The following RAPGEF2 variants were observed in gnomAD, a reference collection of about 807,000 sequenced individuals.
RAPGEF2 encodes PDZ domain containing guanine nucleotide exchange factor (GEF) 1.
RAPGEF2 carries 54 observed loss-of-function variants against 186.7 expected under a neutral mutation model. The observed-to-expected ratio is 0.29, with a 90% CI of 0.23 to 0.36. The LOEUF (loss-of-function observed/expected upper bound fraction) is 0.36. Among genes scored for constraint, RAPGEF2 ranks in the 10% least tolerant of loss-of-function variants. The pLI, the probability that RAPGEF2 is intolerant of heterozygous loss-of-function variation, is 1.00. For synonymous variants in RAPGEF2, 712 were observed against 705.9 expected (o/e 1.01, Z -0.14); for missense variants, 1,532 against 2,045.0 (o/e 0.75, Z 4.84).
chr4:159,155,532 CAGA>C (rs3063725), intron 1 of RAPGEF2, among the ~76,000 whole-genome samples: 95,212 of 151,592 alleles, frequency 0.63, 30,734 homozygotes, highest in African/African-American at 0.79. Flanking sequence ...AAGATGTTAT[CAGA>C]TGTTTCTCTA....
rs1239722513 is a variant in RAPGEF2 at position 159,330,380 on chromosome 4, T to A, written c.1349T>A (p.Val450Glu). ...ATGCATTTGGTGGAAGAGCATTCAG[T>A]AGTAGATCCAACATTCATAGAAGAC... ...LTMHLVEEHS[V>E]VDPTFIEDFL... The change falls in exon 13 of 30, where the codon GTA becomes GAA. Residue 450 changes from valine (V) to glutamate (E), a missense_variant. Val to Glu is a moderately radical substitution (Grantham distance 121, BLOSUM62 -2). This residue lies in a region of RAPGEF2 where 810 missense variants were observed against 1,210.5 expected (regional missense o/e 0.67). Coordinates refer to ENST00000691494, the MANE Select transcript of RAPGEF2 (RefSeq NM_001394067.2). The A allele has an allele frequency of 6.2e-7, 1 of 1,602,222 alleles. No homozygotes were observed. The highest frequency in any genetic ancestry group is 8.5e-7 in the Non-Finnish European group (1 of 1,177,284).
chr4:159,300,178 A>G (rs547878896), intron 7 of RAPGEF2, among the ~76,000 whole-genome samples: 61 of 150,600 alleles, frequency 4.1e-4, no homozygotes, highest in African/African-American at 1.5e-3. Context: ...GTATTACTTT[A>G]TATATGCATA....
At chr4:159,229,429 G>A (rs1485416934) in intron 4 of RAPGEF2, 1 of 152,218 alleles carries the variant, frequency 6.6e-6, no homozygotes, top group African/African-American at 2.4e-5. Context: ...CCCAACTTGG[G>A]AGAGGAGAAT....
chr4:159,239,939 A>G (rs1265908347), intron 5 of RAPGEF2, among the ~76,000 whole-genome samples: 1 of 152,208 alleles, frequency 6.6e-6, no homozygotes, highest in Non-Finnish European at 1.5e-5. Context: ...GTCAGAAATG[A>G]GAACTTCCTC....
At chr4:159,214,722 C>G (rs1167167396) in intron 4 of RAPGEF2, among the ~76,000 whole-genome samples, 1 of 152,124 alleles carries the variant, frequency 6.6e-6, no homozygotes, top group African/African-American at 2.4e-5. Context: ...AAATGTGTAT[C>G]TAGCTCTTTA....
At chr4:159,154,189 A>G (rs1743863122) in intron 1 of RAPGEF2, among the ~76,000 whole-genome samples, 1 of 152,210 alleles carries the variant, frequency 6.6e-6, no homozygotes, top group Admixed American at 6.5e-5. Flanking sequence ...ATTATCACCT[A>G]GCAGTCCAAA....
At chr4:159,237,026 T>C (rs1561124626) in intron 4 of RAPGEF2, among the ~76,000 whole-genome samples, 2 of 152,140 alleles carry the variant, frequency 1.3e-5, no homozygotes, top group Non-Finnish European at 2.9e-5. Flanking sequence ...CATGGAAACT[T>C]TTTCTTCTTT....
chr4:159,345,034 C>A, intron 23 of RAPGEF2, 72 bp from the exon 24 acceptor site: 1 of 1,287,128 alleles, frequency 7.8e-7, no homozygotes, highest in Non-Finnish European at 1.1e-6. Flanking sequence ...TAATATCAGT[C>A]TTGGCACATT....
intron 1 of RAPGEF2, among the ~76,000 whole-genome samples, chr4:159,107,149 C>G (rs1737974899): frequency 6.6e-6 from 1 of 152,132 alleles, no homozygotes; most frequent in African/African-American, 2.4e-5. Flanking sequence ...GCATTGTATT[C>G]TAAATAACAA....
chr4:159,268,141 A>G (rs1043402998), intron 7 of RAPGEF2: 11 of 1,613,326 alleles, frequency 6.8e-6, no homozygotes, highest in Non-Finnish European at 6.8e-6. Context: ...TCAGTTCAGC[A>G]TATGTTTCTT....
chr4:159,266,002 G>A (rs1373540052), intron 7 of RAPGEF2, among the ~76,000 whole-genome samples: 1 of 152,166 alleles, frequency 6.6e-6, no homozygotes, highest in South Asian at 2.1e-4. Context: ...AAAACAGATT[G>A]TTGAGAGATT....
Position 159,210,718 on chromosome 4 carries a change from T to C in RAPGEF2, c.281+135T>C, listed in dbSNP as rs1750437418. 6.7e-6 allele frequency: 4 copies of C among 601,050 alleles called. No homozygotes were observed. In the South Asian group the frequency reaches 9.8e-5, roughly 15 times the overall value. The allele number at this position is 601,050 out of a possible 1,614,324, so 37.2% of individuals were successfully genotyped here. On this transcript the variant is annotated intron_variant, in intron 4 of 29. Coordinates refer to ENST00000691494, the MANE Select transcript of RAPGEF2 (RefSeq NM_001394067.2). ...GCAAGACAGTACTTTGGGGTGTTGA[T>C]GCATGAATCTTTAAGAAATAACTTT...
chr4:159,159,718 T>G (rs6536395), intron 1 of RAPGEF2, among the ~76,000 whole-genome samples: 29,945 of 152,118 alleles, frequency 0.2, 2,943 homozygotes, highest in Admixed American at 0.24. Flanking sequence ...AAGATTATAA[T>G]AACAATTCTA....
At position 159,268,367 on chromosome 4, in the gene RAPGEF2, G is replaced by A. The variant is rs112570619; in HGVS notation, c.543+24576G>A. The A allele has an allele frequency of 1.1e-3, 633 of 587,648 alleles. 6 individuals carry two copies. The highest frequency in any genetic ancestry group is 0.011 in the African/African-American group (561 of 52,582). 36.4% of individuals were successfully genotyped at this position (587,648 alleles called of 1,614,324 possible). A position where few individuals can be genotyped will look rare whatever the true frequency, so the allele number is the denominator to read the frequency against. Reference sequence around the variant, plus strand: ...AGGAGGGGAGGGTGCATTAAAGCTGGCTTGTTCTTCCAATGTTGTAATTTT... The same window carrying A: ...AGGAGGGGAGGGTGCATTAAAGCTGACTTGTTCTTCCAATGTTGTAATTTT... On this transcript the variant is annotated intron_variant, in intron 7 of 29. Transcript: ENST00000691494.
chr4:159,356,210 T>G (rs1487439784), intron 29 of RAPGEF2, 52 bp downstream of exon 29: 1 of 1,531,406 alleles, frequency 6.5e-7, no homozygotes, highest in South Asian at 1.2e-5. Context: ...TGTTCACTTG[T>G]GCTGCTTCCC....
chr4:159,272,227 A>G (rs1758220004), intron 7 of RAPGEF2, among the ~76,000 whole-genome samples: 1 of 152,178 alleles, frequency 6.6e-6, no homozygotes, highest in Non-Finnish European at 1.5e-5. Context: ...CATAAGTATC[A>G]TTTTCATCAT....
intron 1 of RAPGEF2, among the ~76,000 whole-genome samples, chr4:159,180,168 G>A (rs1746861121): frequency 6.6e-6 from 1 of 152,208 alleles, no homozygotes; most frequent in Non-Finnish European, 1.5e-5. Flanking sequence ...TGTTGTTTAT[G>A]CGATCTGTGG....
At chr4:159,290,289 T>C (rs1446082836) in intron 7 of RAPGEF2, among the ~76,000 whole-genome samples, 1 of 152,230 alleles carries the variant, frequency 6.6e-6, no homozygotes, top group East Asian at 1.9e-4. Context: ...TTATGGAAGT[T>C]AAACTTTTTG....
Position 159,104,096 on chromosome 4 carries a change from A to G in RAPGEF2, c.-67A>G. The G allele has an allele frequency of 1.9e-6, 2 of 1,077,144 alleles. No homozygotes were observed. The highest frequency in any genetic ancestry group is 2.5e-6 in the Non-Finnish European group (2 of 813,262). The allele number at this position is 1,077,144 out of a possible 1,614,324, so 66.7% of individuals were successfully genotyped here. A position where few individuals can be genotyped will look rare whatever the true frequency, so the allele number is the denominator to read the frequency against. On this transcript the variant is annotated 5_prime_UTR_variant, in exon 1 of 30. Transcript: ENST00000691494. ...GCGCAGCGCGCAGGGCGGAGGCAGC[A>G]GCGGCGCTGGGCCGGGAGGAGGCCG... is the stretch of plus-strand genomic sequence containing the variant.
Sources: gnomAD v4.1 joint callset for allele counts (sites outside exome capture counted in the v4.1 genomes callset) on GRCh38, gnomAD v4.1.1 for gene constraint, gnomAD v4.1.1 regional missense constraint, MANE v1.5 for transcripts, NCBI Gene and HGNC (gene_info 2026-07-23, HGNC 2026-07-21) for gene names.